DLGAP2: variants seen among roughly 807,000 people sequenced by gnomAD.
DLGAP2 encodes the protein DLG associated protein 2, also known as disks large-associated protein 2.
DLGAP2 carries 26 observed loss-of-function variants against 100.3 expected under a neutral mutation model. That is an observed-to-expected ratio of 0.26 (90% CI 0.19 to 0.36). DLGAP2 has a LOEUF of 0.36. Among genes scored for constraint, DLGAP2 ranks in the 10% least tolerant of loss-of-function variants. The pLI is 1.00. For missense variants in DLGAP2, 1,858 were observed against 1,453.2 expected, an observed-to-expected ratio of 1.28 and a Z score of -4.53; for synonymous variants, 886 against 630.1, an observed-to-expected ratio of 1.41 and a Z score of -6.08.
At chr8:1,351,968 G>T (rs1217330661) in intron 3 of DLGAP2, among the ~76,000 whole-genome samples, 4 of 84,110 alleles carry the variant, frequency 4.8e-5, no homozygotes, top group Admixed American at 1.4e-4. Flanking sequence ...CTGAGTGTGT[G>T]TGGAAACGCC....
At chr8:1,132,478 T>C (rs1434521454) in intron 2 of DLGAP2, among the ~76,000 whole-genome samples, 2 of 152,246 alleles carry the variant, frequency 1.3e-5, no homozygotes, top group Admixed American at 1.3e-4. Context: ...ATTAAAAGAC[T>C]GATCTGCAGC....
chr8:1,436,893 T>TA (rs1373985394), intron 3 of DLGAP2, among the ~76,000 whole-genome samples: 9 of 152,254 alleles, frequency 5.9e-5, no homozygotes, highest in Admixed American at 3.3e-4. Context: ...CATGTTGAGA[T>TA]ACACAACTTC....
At chr8:1,518,842 C>T (rs1800486794) in intron 4 of DLGAP2, among the ~76,000 whole-genome samples, 1 of 152,198 alleles carries the variant, frequency 6.6e-6, no homozygotes, top group African/African-American at 2.4e-5. Flanking sequence ...TATGTGTGTG[C>T]ACATCAGCAT....
At chr8:1,225,912 A>G (rs906559590) in intron 2 of DLGAP2, among the ~76,000 whole-genome samples, 2 of 152,208 alleles carry the variant, frequency 1.3e-5, no homozygotes, top group African/African-American at 4.8e-5. Flanking sequence ...ATATATCAAA[A>G]CATCATGCTG....
At chr8:1,685,745 A>T (rs1317760261) in intron 12 of DLGAP2, among the ~76,000 whole-genome samples, 2 of 152,318 alleles carry the variant, frequency 1.3e-5, no homozygotes, top group Non-Finnish European at 2.9e-5. Context: ...AAAAAAAAAA[A>T]AATTCAAAAA....
intron 7 of DLGAP2, among the ~76,000 whole-genome samples, chr8:1,631,980 T>C (rs1327518962): frequency 6.6e-6 from 1 of 152,054 alleles, no homozygotes; most frequent in African/African-American, 2.4e-5. Flanking sequence ...TCTGCCAACA[T>C]AATCCAGGGG....
At chr8:1,507,333 C>T (rs111824000) in intron 4 of DLGAP2, among the ~76,000 whole-genome samples, 2,161 of 152,320 alleles carry the variant, frequency 0.014, 51 homozygotes, top group African/African-American at 0.048. Context: ...GGAGATTTGG[C>T]GTGCAGCGCC....
In DLGAP2 at chr8:1,706,444, C is replaced by G. The variant is rs959279453; in HGVS notation, c.*5038C>G. 1.3e-5 allele frequency: 2 copies of G among 152,236 alleles called. No homozygotes were observed. 9.4% of individuals were successfully genotyped at this position (152,236 alleles called of 1,614,324 possible). ...CTTCTAGAATGCCGCCCTCCCAGCTCTGCAGGGCACGCTGCCAGAATCCAG... is the reference window on the plus strand; with the variant it reads ...CTTCTAGAATGCCGCCCTCCCAGCTGTGCAGGGCACGCTGCCAGAATCCAG... On this transcript the variant is annotated 3_prime_UTR_variant, in exon 15 of 15. Transcript: ENST00000637795.
chr8:797,004 G>C (rs951263783), intron 1 of DLGAP2, among the ~76,000 whole-genome samples: 2 of 152,218 alleles, frequency 1.3e-5, no homozygotes, highest in Admixed American at 6.5e-5. Flanking sequence ...TTTGCAGATA[G>C]TATCTTGTAC....
At chr8:882,921 C>A (rs1026808493) in intron 1 of DLGAP2, among the ~76,000 whole-genome samples, 1 of 152,250 alleles carries the variant, frequency 6.6e-6, no homozygotes, top group Admixed American at 6.5e-5. Flanking sequence ...CTGCATCGGT[C>A]TGGGCATGGG....
intron 3 of DLGAP2, among the ~76,000 whole-genome samples, chr8:1,411,475 A>C (rs1268311474): frequency 2.6e-5 from 4 of 152,212 alleles, no homozygotes; most frequent in Non-Finnish European, 2.9e-5. Flanking sequence ...ATATAACTCC[A>C]TCCTGCTTGC....
At chr8:1,270,604 G>C (rs191652639) in intron 3 of DLGAP2, among the ~76,000 whole-genome samples, 1 of 152,180 alleles carries the variant, frequency 6.6e-6, no homozygotes, top group African/African-American at 2.4e-5. Context: ...TCTTAAGAAC[G>C]TAACTTCTCT....
At chr8:1,052,620 A>G (rs937411451) in intron 2 of DLGAP2, among the ~76,000 whole-genome samples, 1 of 152,154 alleles carries the variant, frequency 6.6e-6, no homozygotes, top group African/African-American at 2.4e-5. Flanking sequence ...CTGGGGGATC[A>G]TTAGCTTCTG....
chr8:1,637,183 C>A (rs1476408929), intron 8 of DLGAP2, among the ~76,000 whole-genome samples: 1 of 152,178 alleles, frequency 6.6e-6, no homozygotes, highest in African/African-American at 2.4e-5. Context: ...ATCCTCCTTT[C>A]CCAGAGGGCT....
intron 3 of DLGAP2, among the ~76,000 whole-genome samples, chr8:1,470,199 A>G (rs1208150374): frequency 2.0e-5 from 3 of 152,030 alleles, no homozygotes; most frequent in Non-Finnish European, 4.4e-5. Context: ...GAAAGACAGG[A>G]TCATGCCAGA....
At chr8:966,145 AC>A (rs1799865850) in intron 2 of DLGAP2, among the ~76,000 whole-genome samples, 1 of 152,218 alleles carries the variant, frequency 6.6e-6, no homozygotes, top group East Asian at 1.9e-4. Context: ...CGTTTCTTGC[AC>A]AGTAAACGCA....
At chr8:1,233,340 G>T (rs1798576451) in intron 2 of DLGAP2, among the ~76,000 whole-genome samples, 1 of 152,200 alleles carries the variant, frequency 6.6e-6, no homozygotes, top group African/African-American at 2.4e-5. Flanking sequence ...AGTCAGGCCT[G>T]GCCTGTGCTC....
intron 1 of DLGAP2, among the ~76,000 whole-genome samples, chr8:863,189 A>G (rs1034934860): frequency 6.6e-6 from 1 of 152,138 alleles, no homozygotes; most frequent in Non-Finnish European, 1.5e-5. Flanking sequence ...GGACCAGCCT[A>G]TTTTGTGGAA....
chr8:918,577 C>T (rs867011631), intron 2 of DLGAP2, among the ~76,000 whole-genome samples: 2 of 152,168 alleles, frequency 1.3e-5, no homozygotes, highest in Admixed American at 6.5e-5. Flanking sequence ...TGGTGTTCAC[C>T]GCAGTCTTCT....
Sources: gnomAD v4.1 joint callset for allele counts (sites outside exome capture counted in the v4.1 genomes callset) on GRCh38, gnomAD v4.1.1 for gene constraint, MANE v1.5 for transcripts, NCBI Gene and HGNC (gene_info 2026-07-23, HGNC 2026-07-21) for gene names.